SPOCK3: variants seen among roughly 807,000 people sequenced by gnomAD.
SPOCK3 encodes testican-3.
A neutral mutation model predicts 56.6 loss-of-function variants in SPOCK3; 30 were observed. The observed-to-expected ratio is 0.53, with a 90% CI of 0.40 to 0.72. The LOEUF is 0.72. SPOCK3 is among the 30% of genes least tolerant of loss of function. The pLI is 0.00. For synonymous variants in SPOCK3, 196 were observed against 183.3 expected, an observed-to-expected ratio of 1.07 and a Z score of -0.56; for missense variants, 527 against 530.0, an observed-to-expected ratio of 0.99 and a Z score of 0.06.
intron 6 of SPOCK3, among the ~76,000 whole-genome samples, chr4:166,795,116 T>C (rs1237975044): frequency 6.6e-6 from 1 of 152,178 alleles, no homozygotes; most frequent in Non-Finnish European, 1.5e-5. Context: ...CATTTATTGA[T>C]CATATTCATC....
intron 8 of SPOCK3, among the ~76,000 whole-genome samples, chr4:166,752,561 TATATATATATATACACAC>T (rs2126480014): frequency 3.6e-5 from 1 of 27,882 alleles, no homozygotes; most frequent in South Asian, 1.6e-3. Context: ...TGTATATATA[TATATATATATATACACAC>T]ACACACACAC....
intron 2 of SPOCK3, among the ~76,000 whole-genome samples, chr4:167,212,914 A>T (rs1223888678): frequency 6.6e-6 from 1 of 152,222 alleles, no homozygotes; most frequent in Non-Finnish European, 1.5e-5. Context: ...TTTTCAAGCT[A>T]CATGACAAAA....
chr4:167,003,701 T>G (rs987238857), intron 3 of SPOCK3, among the ~76,000 whole-genome samples: 1 of 152,200 alleles, frequency 6.6e-6, no homozygotes, highest in Non-Finnish European at 1.5e-5. Context: ...AGCAATTGCA[T>G]TTGACTTCAC....
intron 3 of SPOCK3, among the ~76,000 whole-genome samples, chr4:167,035,403 T>G (rs774008038): frequency 6.6e-6 from 1 of 151,668 alleles, no homozygotes; most frequent in Non-Finnish European, 1.5e-5. Flanking sequence ...TAATGTAATG[T>G]AAGATGTGAT....
chr4:166,789,053 T>A (rs1471466589), intron 7 of SPOCK3, among the ~76,000 whole-genome samples: 1 of 140,082 alleles, frequency 7.1e-6, no homozygotes, highest in African/African-American at 2.7e-5. Flanking sequence ...GGCTTCAGTA[T>A]AAAATGCCTG....
chr4:166,987,842 G>GAGGCA (rs1747336438), intron 4 of SPOCK3, among the ~76,000 whole-genome samples: 2 of 152,054 alleles, frequency 1.3e-5, no homozygotes, highest in South Asian at 4.1e-4. Flanking sequence ...AAGCAAATGG[G>GAGGCA]AGGCAAGAAA....
chr4:167,076,861 T>G (rs902708099), intron 2 of SPOCK3, among the ~76,000 whole-genome samples: 4 of 151,858 alleles, frequency 2.6e-5, no homozygotes, highest in Non-Finnish European at 5.9e-5. Context: ...CATTTTAAAT[T>G]TTATATATTC....
At chr4:166,747,354 C>A (rs1031774122) in intron 8 of SPOCK3, among the ~76,000 whole-genome samples, 3 of 152,110 alleles carry the variant, frequency 2.0e-5, no homozygotes, top group African/African-American at 7.2e-5. Flanking sequence ...AAACGTAATC[C>A]ATCACAAAAA....
chr4:167,055,478 G>A (rs546837596), intron 3 of SPOCK3, among the ~76,000 whole-genome samples: 2,018 of 152,240 alleles, frequency 0.013, 29 homozygotes, highest in Middle Eastern at 0.034. Context: ...CACACCGTGC[G>A]CGAGCCAAAG....
intron 3 of SPOCK3, among the ~76,000 whole-genome samples, chr4:167,058,971 C>A (rs1755250819): frequency 6.6e-6 from 1 of 152,048 alleles, no homozygotes; most frequent in African/African-American, 2.4e-5. Flanking sequence ...AAACTGGATC[C>A]CTTCCTTACA....
intron 2 of SPOCK3, among the ~76,000 whole-genome samples, chr4:167,212,352 C>G (rs1734957887): frequency 6.6e-6 from 1 of 151,866 alleles, no homozygotes; most frequent in South Asian, 2.1e-4. Flanking sequence ...AGAGAATTTC[C>G]TGTCTCAGTC....
At chr4:166,975,769 T>C (rs563463697) in intron 4 of SPOCK3, among the ~76,000 whole-genome samples, 3 of 152,274 alleles carry the variant, frequency 2.0e-5, no homozygotes, top group Admixed American at 2.0e-4. Context: ...ATGTGAAGTT[T>C]GTCTTTCTGT....
At chr4:167,153,928 G>A (rs1258631032) in intron 2 of SPOCK3, among the ~76,000 whole-genome samples, 1 of 144,234 alleles carries the variant, frequency 6.9e-6, no homozygotes, top group Non-Finnish European at 1.5e-5. Flanking sequence ...TTTAATCACT[G>A]TCAGAGCCTT....
chr4:166,948,236 C>T (rs1450287149), intron 4 of SPOCK3, among the ~76,000 whole-genome samples: 3 of 152,122 alleles, frequency 2.0e-5, no homozygotes, highest in Non-Finnish European at 4.4e-5. Flanking sequence ...ATATATACCA[C>T]ATTTTCTTTA....
At chr4:166,956,481 C>G (rs967225014) in intron 4 of SPOCK3, among the ~76,000 whole-genome samples, 3 of 152,142 alleles carry the variant, frequency 2.0e-5, no homozygotes, top group Admixed American at 6.5e-5. Flanking sequence ...GTAGCACATA[C>G]AGTGCAAGAA....
At chr4:167,073,556 T>C (rs1756896090) in intron 2 of SPOCK3, among the ~76,000 whole-genome samples, 1 of 151,888 alleles carries the variant, frequency 6.6e-6, no homozygotes, top group South Asian at 2.1e-4. Context: ...TTAGGGAGGA[T>C]GTATTTATAA....
rs71604450 is a variant in SPOCK3 at position 166,887,860 on chromosome 4, GA to G, written c.589+1269del. Among the ~76,000 whole-genome samples, 213 of 140,066 alleles carry G rather than the reference GA, an allele frequency of 1.5e-3. 3 individuals are homozygous for G. Among genetic ancestry groups the G allele is most frequent in the South Asian group, 9.0e-3 (40 of 4,422 alleles). 91.9% of individuals were successfully genotyped at this position (140,066 alleles called of 152,430 possible). Reference sequence around the variant, plus strand: ...ACCACCTGTGCCCCAATAACTTATGGAAAAAAAAAAAAAAAGAAGAGAGCTC... The same window carrying G: ...ACCACCTGTGCCCCAATAACTTATGGAAAAAAAAAAAAAAGAAGAGAGCTC... On this transcript the variant is annotated intron_variant, in intron 6 of 10. Transcript: ENST00000357545.
rs1009851185 is a variant in SPOCK3 at position 166,821,477 on chromosome 4, G to A, written c.590-29188C>T. On this transcript the variant is annotated intron_variant, in intron 6 of 10. Coordinates refer to ENST00000357545, the MANE Select transcript of SPOCK3 (RefSeq NM_001040159.2). The stretch of plus-strand genomic sequence containing the variant: ...AAAACATATGGTAACACAAGGACTT[G>A]CATGGAAATGTTCATAGCAGTATTA... Among the ~76,000 whole-genome samples, 4 of 152,146 alleles carry A rather than the reference G, an allele frequency of 2.6e-5. No homozygotes were observed. The East Asian group carries it at 7.7e-4, about 29-fold the overall frequency.
At chr4:167,077,178 T>G (rs1227188882) in intron 2 of SPOCK3, among the ~76,000 whole-genome samples, 5 of 151,920 alleles carry the variant, frequency 3.3e-5, no homozygotes, top group Non-Finnish European at 7.4e-5. Context: ...TCCTTCAGTA[T>G]TTATTTTATG....
Sources: gnomAD v4.1 joint callset for allele counts (sites outside exome capture counted in the v4.1 genomes callset) on GRCh38, gnomAD v4.1.1 for gene constraint, MANE v1.5 for transcripts, NCBI Gene and HGNC (gene_info 2026-07-23, HGNC 2026-07-21) for gene names.